Variants in TMEM131 observed in about 807,000 individuals in gnomAD.
TMEM131 encodes the protein 2610524E03Rik.
A neutral mutation model predicts 211.6 loss-of-function variants in TMEM131; 66 were observed. The observed-to-expected ratio is 0.31, with a 90% CI of 0.26 to 0.38. TMEM131 has a LOEUF of 0.38. Ranked by LOEUF, TMEM131 falls within the 10% of genes least tolerant of loss-of-function variation. The probability of loss-of-function intolerance (pLI) is 1.00; values close to 1 mark genes in which losing one functional copy is unlikely to be tolerated. For missense variants in TMEM131, 2,036 were observed against 2,299.3 expected, an observed-to-expected ratio of 0.89 and a Z score of 2.34; for synonymous variants, 844 against 841.3, an observed-to-expected ratio of 1.00 and a Z score of -0.06.
At chr2:97,894,601 C>G (rs1033922415) in intron 3 of TMEM131, among the ~76,000 whole-genome samples, 2 of 152,072 alleles carry the variant, frequency 1.3e-5, no homozygotes, top group Non-Finnish European at 2.9e-5. Context: ...CCTTCATATC[C>G]CTTGTAAGTT....
rs1403801106 is a variant in TMEM131 at position 97,805,139 on chromosome 2, T to A, written c.2351A>T (p.His784Leu). 7.4e-6 allele frequency: 12 copies of A among 1,613,828 alleles called. No homozygotes were observed. The highest frequency in any genetic ancestry group is 3.3e-5 in the Admixed American group (2 of 59,994). The change falls in exon 22 of 41, where the codon CAT becomes CTT. Residue 784 changes from histidine to leucine, a missense_variant. Coordinates refer to ENST00000186436, the MANE Select transcript of TMEM131 (RefSeq NM_015348.2). ...EDMWDADWDL[H>L]QSLFKGWTGI... ...TGTCCATCCCTTGAACAGGCTTTGATGCAAATCCCAGTCAGCATCCCACAT... is the reference window on the plus strand; with the variant it reads ...TGTCCATCCCTTGAACAGGCTTTGAAGCAAATCCCAGTCAGCATCCCACAT...
At chr2:97,820,833 G>A (rs951999973) in intron 11 of TMEM131, among the ~76,000 whole-genome samples, 1 of 151,622 alleles carries the variant, frequency 6.6e-6, no homozygotes, top group Non-Finnish European at 1.5e-5. Context: ...TCCAGCCTGG[G>A]CAACAGAGTG....
intron 2 of TMEM131, among the ~76,000 whole-genome samples, chr2:97,912,832 AC>A (rs1260339084): frequency 6.6e-6 from 1 of 152,128 alleles, no homozygotes; most frequent in African/African-American, 2.4e-5. Context: ...CTCAGAATGC[AC>A]TCCCAACTCC....
intron 33 of TMEM131, 148 bp downstream of exon 33, chr2:97,772,149 C>A: frequency 1.1e-6 from 1 of 890,262 alleles, no homozygotes; most frequent in East Asian, 2.5e-5. Context: ...AGAAAAATCC[C>A]AAGAGGAATG....
At chr2:97,901,415 C>T (rs867722586) in intron 3 of TMEM131, among the ~76,000 whole-genome samples, 1 of 151,876 alleles carries the variant, frequency 6.6e-6, no homozygotes, top group Non-Finnish European at 1.5e-5. Flanking sequence ...AAGAGTTGAC[C>T]CAGCAATTCC....
intron 5 of TMEM131, among the ~76,000 whole-genome samples, chr2:97,854,948 T>TCTTATACTTTTCTTCTGAC (rs1673776537): frequency 6.6e-6 from 1 of 152,200 alleles, no homozygotes; most frequent in Non-Finnish European, 1.5e-5. Context: ...AAGTCTCTGA[T>TCTTATACTTTTCTTCTGAC]CTTATACTTT....
At position 97,794,980 on chromosome 2, in the gene TMEM131, G is replaced by C. The variant is rs1049362070; in HGVS notation, c.3336C>G (p.Pro1112=). Residue 1112 remains proline (P), a synonymous_variant, in exon 29 of 41, where the codon CCC becomes CCG. Transcript: ENST00000186436. ...HMLATCAEAL[P]RPNWELALYI... is the part of the protein sequence containing the mutation. Reference sequence around the variant, plus strand: ...ACAGAGCCAGTTCCCAGTTAGGTCTGGGTAGGGCTTCTGCACAGGTTGCTA... The same window carrying C: ...ACAGAGCCAGTTCCCAGTTAGGTCTCGGTAGGGCTTCTGCACAGGTTGCTA... 7 of 1,610,720 alleles carry C rather than the reference G, an allele frequency of 4.3e-6. No individual in the cohort carries two copies. Among genetic ancestry groups the C allele is most frequent in the African/African-American group, 1.3e-5 (1 of 74,876 alleles).
At chr2:97,818,873 C>T (rs1013711271) in intron 11 of TMEM131, among the ~76,000 whole-genome samples, 152 bp from the exon 12 acceptor site, 1 of 152,140 alleles carries the variant, frequency 6.6e-6, no homozygotes, top group Non-Finnish European at 1.5e-5. Flanking sequence ...GAGTAGGCCA[C>T]ACTGGAAAAC....
chr2:97,933,273 T>C (rs777077712), intron 1 of TMEM131, among the ~76,000 whole-genome samples: 1 of 152,166 alleles, frequency 6.6e-6, no homozygotes, highest in Non-Finnish European at 1.5e-5. Context: ...AGTTACATAA[T>C]GAAATATTAT....
At chr2:97,840,246 T>TC (rs1168542533) in intron 7 of TMEM131, among the ~76,000 whole-genome samples, 1 of 152,220 alleles carries the variant, frequency 6.6e-6, no homozygotes, top group Admixed American at 6.5e-5. Context: ...GCTTGGTAAC[T>TC]CCAAAGGCTG....
At chr2:97,820,486 G>T (rs1446714772) in intron 11 of TMEM131, among the ~76,000 whole-genome samples, 1 of 152,134 alleles carries the variant, frequency 6.6e-6, no homozygotes, top group Non-Finnish European at 1.5e-5. Context: ...ATCACTTTAT[G>T]CAATAAAAGG....
intron 13 of TMEM131, among the ~76,000 whole-genome samples, chr2:97,814,742 T>C (rs1459498041): frequency 2.0e-5 from 3 of 152,196 alleles, no homozygotes; most frequent in African/African-American, 4.8e-5. Context: ...TAAACTACTA[T>C]TGGTTAAAGT....
chr2:97,877,064 GACAA>G (rs1215043349), intron 4 of TMEM131, among the ~76,000 whole-genome samples: 1 of 152,086 alleles, frequency 6.6e-6, no homozygotes, highest in South Asian at 2.1e-4. Flanking sequence ...ACCACTAACA[GACAA>G]ACAGAGAGCC....
chr2:97,949,962 T>G (rs535991174), intron 1 of TMEM131, among the ~76,000 whole-genome samples: 1 of 152,270 alleles, frequency 6.6e-6, no homozygotes, highest in South Asian at 2.1e-4. Context: ...ACTCCAAAAT[T>G]GCAACCATTT....
chr2:97,845,524 A>T (rs1448570618), intron 5 of TMEM131, among the ~76,000 whole-genome samples: 6 of 152,206 alleles, frequency 3.9e-5, no homozygotes, highest in African/African-American at 1.4e-4. Flanking sequence ...GAAATTATAA[A>T]ATATTTTGAA....
chr2:97,994,749 C>T (rs1243001903), intron 1 of TMEM131, among the ~76,000 whole-genome samples: 1 of 152,150 alleles, frequency 6.6e-6, no homozygotes. Context: ...TGTCCAAGTA[C>T]CCGTTTTGCA....
At chr2:97,768,054 G>C (rs1679265379) in intron 33 of TMEM131, among the ~76,000 whole-genome samples, 1 of 137,814 alleles carries the variant, frequency 7.3e-6, no homozygotes, top group Admixed American at 7.2e-5. Flanking sequence ...AAGGTGGTAG[G>C]GTCAAAGGAC....
chr2:97,962,000 T>C (rs1027383491), intron 1 of TMEM131, among the ~76,000 whole-genome samples: 7 of 152,130 alleles, frequency 4.6e-5, no homozygotes, highest in Non-Finnish European at 7.4e-5. Context: ...CTACCATATA[T>C]AAAAATTAGC....
intron 1 of TMEM131, among the ~76,000 whole-genome samples, chr2:97,978,454 T>C (rs1431761071): frequency 6.6e-6 from 1 of 152,140 alleles, no homozygotes; most frequent in Non-Finnish European, 1.5e-5. Context: ...CAGGCTGGAG[T>C]GCTTACTGCA....
Sources: gnomAD v4.1 joint callset for allele counts (sites outside exome capture counted in the v4.1 genomes callset) on GRCh38, gnomAD v4.1.1 for gene constraint, MANE v1.5 for transcripts, NCBI Gene and HGNC (gene_info 2026-07-23, HGNC 2026-07-21) for gene names.